OPCML: variants seen among roughly 807,000 people sequenced by gnomAD.
OPCML encodes the protein opioid binding protein/cell adhesion molecule like.
Under a neutral mutation model 37.8 loss-of-function variants are expected in OPCML, and 13 were observed. The ratio of observed to expected loss-of-function variants is 0.34; its 90% confidence interval spans 0.22 to 0.55. OPCML has a LOEUF of 0.55. Among genes scored for constraint, OPCML ranks in the 20% least tolerant of loss-of-function variants. The probability of loss-of-function intolerance (pLI) is 0.91; values close to 1 mark genes in which losing one functional copy is unlikely to be tolerated. For missense variants in OPCML, 341 were observed against 435.6 expected (o/e 0.78, Z 1.93); for synonymous variants, 176 against 168.8 (o/e 1.04, Z -0.33).
At chr11:132,763,883 C>T (rs576109320) in intron 2 of OPCML, among the ~76,000 whole-genome samples, 2 of 152,350 alleles carry the variant, frequency 1.3e-5, no homozygotes, top group South Asian at 4.1e-4. Flanking sequence ...ACAAAGAGAA[C>T]TCATTTTGCT....
At chr11:132,518,209 T>C (rs976425802) in intron 4 of OPCML, among the ~76,000 whole-genome samples, 11 of 152,314 alleles carry the variant, frequency 7.2e-5, no homozygotes, top group Admixed American at 6.5e-4. Context: ...GCTATTTATC[T>C]TGATGCTCTC....
intron 1 of OPCML, among the ~76,000 whole-genome samples, chr11:133,089,074 A>T (rs1459184409): frequency 2.6e-5 from 4 of 152,332 alleles, no homozygotes; most frequent in Middle Eastern, 3.4e-3. Flanking sequence ...CATAATATAG[A>T]ATCGTTGGAT....
chr11:133,420,377 A>T, intron 1 of OPCML: 1 of 985,450 alleles, frequency 1.0e-6, no homozygotes. Flanking sequence ...TCTCTAGGAC[A>T]GTAGTTGGTT....
At chr11:132,626,812 TTCTCTCTCTCTCTC>T (rs375135656) in intron 3 of OPCML, among the ~76,000 whole-genome samples, 96 of 147,278 alleles carry the variant, frequency 6.5e-4, no homozygotes, top group African/African-American at 1.9e-3. Context: ...AAAGGGAAGT[TTCTCTCTCTCTCTC>T]TCTCTCTCTC....
intron 3 of OPCML, among the ~76,000 whole-genome samples, chr11:132,605,436 C>T (rs1314162070): frequency 6.6e-6 from 1 of 151,724 alleles, no homozygotes; most frequent in African/African-American, 2.4e-5. Flanking sequence ...TGATGGCACG[C>T]ACCTATAGTC....
chr11:133,233,889 A>C (rs1180004288), intron 1 of OPCML, among the ~76,000 whole-genome samples: 1 of 152,170 alleles, frequency 6.6e-6, no homozygotes, highest in African/African-American at 2.4e-5. Context: ...AGGTCCATGG[A>C]GCATCCCCCA....
chr11:133,322,123 T>C (rs563247346), intron 1 of OPCML, among the ~76,000 whole-genome samples: 90 of 152,304 alleles, frequency 5.9e-4, no homozygotes, highest in Non-Finnish European at 1.0e-3. Context: ...TCAAACTCAT[T>C]TAAAGATGGC....
intron 1 of OPCML, among the ~76,000 whole-genome samples, chr11:133,399,689 A>C (rs2136834139): frequency 6.6e-6 from 1 of 152,074 alleles, no homozygotes; most frequent in South Asian, 2.1e-4. Flanking sequence ...TCTCCCTACA[A>C]ATTTAATTTC....
rs1948626131 is a variant in OPCML at position 133,532,481 on chromosome 11, G to A, written c.-157C>T. ...GAGAGAGAGAGCGCGCGAGAGATGG[G>A]AGCAGGCAGGCAGCGTCTCTGATTT... On this transcript the variant is annotated 5_prime_UTR_variant, in exon 1 of 8. Coordinates refer to ENST00000524381, the MANE Select transcript of OPCML (RefSeq NM_001012393.5). 2.5e-6 allele frequency: 2 copies of A among 794,472 alleles called. No homozygotes were observed. The highest frequency in any genetic ancestry group is 3.4e-5 in the African/African-American group (2 of 58,652). 49.2% of individuals were successfully genotyped at this position (794,472 alleles called of 1,614,324 possible). A position where few individuals can be genotyped will look rare whatever the true frequency, so the allele number is the denominator to read the frequency against.
intron 1 of OPCML, among the ~76,000 whole-genome samples, chr11:132,988,985 C>T (rs539924909): frequency 6.6e-6 from 1 of 152,270 alleles, no homozygotes; most frequent in African/African-American, 2.4e-5. Context: ...ACTACAATAA[C>T]GTTGCATTTT....
At chr11:132,542,145 C>A (rs2096358113) in intron 3 of OPCML, among the ~76,000 whole-genome samples, 2 of 152,190 alleles carry the variant, frequency 1.3e-5, no homozygotes, top group African/African-American at 2.4e-5. Flanking sequence ...CAGCTTCTCA[C>A]CAATGGTCCC....
chr11:133,045,664 G>C (rs912180438), intron 1 of OPCML, among the ~76,000 whole-genome samples: 3 of 152,184 alleles, frequency 2.0e-5, no homozygotes, highest in Admixed American at 1.3e-4. Context: ...CCAATCAGGA[G>C]CATCACCTGT....
intron 1 of OPCML, among the ~76,000 whole-genome samples, chr11:132,946,692 G>A (rs1026008341): frequency 6.6e-6 from 1 of 152,202 alleles, no homozygotes; most frequent in African/African-American, 2.4e-5. Flanking sequence ...TGGGGTCCAG[G>A]TCTCATCCAT....
intron 2 of OPCML, among the ~76,000 whole-genome samples, chr11:132,691,982 G>C (rs1366863715): frequency 6.6e-6 from 1 of 152,184 alleles, no homozygotes; most frequent in Non-Finnish European, 1.5e-5. Flanking sequence ...CCTAGTGTTT[G>C]TAGAATCATA....
chr11:133,486,570 G>C (rs934034133), intron 1 of OPCML, among the ~76,000 whole-genome samples: 5 of 151,860 alleles, frequency 3.3e-5, no homozygotes, highest in Admixed American at 6.6e-5. Context: ...ACATCTATGT[G>C]GGATTTCCTC....
At position 132,582,104 on chromosome 11, in the gene OPCML, TTGTGTGTGTGTGTGTGTG is replaced by T. The variant is rs145244488; in HGVS notation, c.380-52936_380-52919del. Among the ~76,000 whole-genome samples the T allele has an allele frequency of 4.3e-5, 6 of 140,502 alleles. No individual in the cohort carries two copies. The East Asian group carries it at 6.4e-4, about 15-fold the overall frequency. 92.2% of individuals were successfully genotyped at this position (140,502 alleles called of 152,430 possible). ...GATGGGACAACTATTCACACATACT[TTGTGTGTGTGTGTGTGTG>T]TGTGTGTGTGTGTGTGTGTGTGTGT... On this transcript the variant is annotated intron_variant, in intron 3 of 7. Transcript: ENST00000524381.
chr11:132,546,577 G>C (rs968017240), intron 3 of OPCML, among the ~76,000 whole-genome samples: 1 of 152,108 alleles, frequency 6.6e-6, no homozygotes, highest in Non-Finnish European at 1.5e-5. Flanking sequence ...GTCAATTAAA[G>C]TTCATTTACT....
intron 1 of OPCML, among the ~76,000 whole-genome samples, chr11:133,483,671 A>AGAT (rs1415410201): frequency 7.1e-6 from 1 of 139,902 alleles, no homozygotes; most frequent in Admixed American, 7.3e-5. Flanking sequence ...TTAGATAAAT[A>AGAT]GATGATAGAT....
chr11:133,268,075 C>T (rs1315220269), intron 1 of OPCML, among the ~76,000 whole-genome samples: 19 of 152,160 alleles, frequency 1.2e-4, no homozygotes, highest in Admixed American at 1.2e-3. Context: ...TAACAATGGC[C>T]CTGACTATGT....
Sources: allele counts gnomAD v4.1 joint callset (sites outside exome capture counted in the v4.1 genomes callset), GRCh38; gene constraint gnomAD v4.1.1; transcripts MANE v1.5; gene names NCBI Gene and HGNC (gene_info 2026-07-23, HGNC 2026-07-21).